Variants in PKHD1 observed in about 807,000 individuals in gnomAD.
PKHD1 encodes the protein fibrocystin.
In PKHD1, 291 loss-of-function variants were observed where a neutral mutation model predicts 412.0. The observed-to-expected ratio is 0.71, with a 90% confidence interval of 0.64 to 0.78. PKHD1 has a LOEUF of 0.78. PKHD1 is among the 30% of genes least tolerant of loss of function. The probability of loss-of-function intolerance (pLI) is 0.00; values close to 1 mark genes in which losing one functional copy is unlikely to be tolerated. For synonymous variants in PKHD1, 1,777 were observed against 1,821.5 expected, an observed-to-expected ratio of 0.98 and a Z score of 0.62; for missense variants, 4,825 against 4,950.7, an observed-to-expected ratio of 0.97 and a Z score of 0.76.
intron 48 of PKHD1, among the ~76,000 whole-genome samples, chr6:51,858,389 G>A (rs906880115): frequency 6.6e-6 from 1 of 152,048 alleles, no homozygotes; most frequent in African/African-American, 2.4e-5. Context: ...ACTATATTTA[G>A]CAAATAAAAA....
At chr6:52,037,737 G>A (rs1357785039) in intron 27 of PKHD1, among the ~76,000 whole-genome samples, 1 of 152,140 alleles carries the variant, frequency 6.6e-6, no homozygotes, top group Non-Finnish European at 1.5e-5. Context: ...TTGTTGCTTA[G>A]GCAATAAATT....
At chr6:51,831,070 G>A in intron 51 of PKHD1, 81 bp from the exon 52 acceptor site, 1 of 1,039,648 alleles carries the variant, frequency 9.6e-7, no homozygotes, top group South Asian at 1.3e-5. Flanking sequence ...GATGCTAGTG[G>A]TATTTTCACC....
intron 60 of PKHD1, among the ~76,000 whole-genome samples, chr6:51,724,850 A>G (rs1053526916): frequency 2.6e-5 from 4 of 152,220 alleles, no homozygotes; most frequent in African/African-American, 9.6e-5. Context: ...AAGGCAATAC[A>G]ATCACAGAGA....
At chr6:51,767,076 A>G (rs73426050) in intron 55 of PKHD1, among the ~76,000 whole-genome samples, 28,002 of 151,978 alleles carry the variant, frequency 0.18, 3,391 homozygotes, top group African/African-American at 0.34. Flanking sequence ...TAAAGGATTT[A>G]CTAATTATTC....
chr6:51,774,138 A>T (rs1196296238), intron 54 of PKHD1, among the ~76,000 whole-genome samples: 1 of 151,982 alleles, frequency 6.6e-6, no homozygotes, highest in Non-Finnish European at 1.5e-5. Context: ...TTATCCAGAA[A>T]ATTCAATTGA....
At chr6:52,071,115 T>C (rs772682795) in intron 8 of PKHD1, 45 bp from the exon 9 acceptor site, 1 of 1,262,824 alleles carries the variant, frequency 7.9e-7, no homozygotes, top group African/African-American at 1.5e-5. Context: ...GACAACTCAC[T>C]ACCAGAAGAT....
At chr6:51,947,159 A>G (rs918780382) in intron 36 of PKHD1, among the ~76,000 whole-genome samples, 1 of 152,200 alleles carries the variant, frequency 6.6e-6, no homozygotes, top group African/African-American at 2.4e-5. Flanking sequence ...CACATTGGTG[A>G]ATCTCAGGCT....
At chr6:51,939,118 T>C (rs1479822366) in intron 36 of PKHD1, among the ~76,000 whole-genome samples, 1 of 151,448 alleles carries the variant, frequency 6.6e-6, no homozygotes, top group East Asian at 1.9e-4. Flanking sequence ...GCCTTGGTCC[T>C]TCACCCTTAG....
rs556672360 is a variant in PKHD1 at position 52,049,818 on chromosome 6, T to A, written c.2279+339A>T. 7.4e-4 allele frequency among the ~76,000 whole-genome samples: 112 copies of A among 152,250 alleles called. 1 individual carries two copies. The highest frequency in any genetic ancestry group is 2.5e-3 in the African/African-American group (105 of 41,550). Reference sequence around the variant, plus strand: ...AAACAAAACAGTGGTGATGTGAACCTCTGAACAGCACAAAATGCCACTATT... The same window carrying A: ...AAACAAAACAGTGGTGATGTGAACCACTGAACAGCACAAAATGCCACTATT... On this transcript the variant is annotated intron_variant, in intron 22 of 66. Transcript: ENST00000371117.
Position 51,632,653 on chromosome 6 carries a change from G to A in PKHD1, c.11577C>T (p.Ile3859=), listed in dbSNP as rs1768065079. 6.2e-7 allele frequency: 1 copy of A among 1,613,350 alleles called. No homozygotes were observed. The highest frequency in any genetic ancestry group is 8.5e-7 in the Non-Finnish European group (1 of 1,179,488). The stretch of plus-strand genomic sequence containing the variant: ...CAGAGGACAGGGAAGCAGCCAGGAT[G>A]ATGGTCGACTTCTCCTTCCTAGTCA... ...LPVTRKEKST[I]ILAASLSSVA... Residue 3859 remains isoleucine, a synonymous_variant, in exon 65 of 67, where the codon ATC becomes ATT. Coordinates refer to ENST00000371117, the MANE Select transcript of PKHD1 (RefSeq NM_138694.4).
chr6:51,777,943 C>G (rs1191512777), intron 53 of PKHD1, among the ~76,000 whole-genome samples: 2 of 152,014 alleles, frequency 1.3e-5, no homozygotes, highest in Non-Finnish European at 2.9e-5. Flanking sequence ...AATTTGGCTT[C>G]CTTTTTGTAA....
intron 37 of PKHD1, among the ~76,000 whole-genome samples, chr6:51,927,402 C>T (rs569459473): frequency 2.6e-5 from 4 of 152,252 alleles, no homozygotes; most frequent in African/African-American, 9.6e-5. Context: ...TTAAAGAAAG[C>T]TAATCTAACT....
intron 52 of PKHD1, among the ~76,000 whole-genome samples, chr6:51,812,600 CAGAT>C (rs1204912253): frequency 6.6e-6 from 1 of 152,174 alleles, no homozygotes. Flanking sequence ...CATCACATGA[CAGAT>C]AGCAGGTCCT....
intron 35 of PKHD1, among the ~76,000 whole-genome samples, chr6:52,007,964 C>A (rs567436191): frequency 6.6e-6 from 1 of 152,180 alleles, no homozygotes; most frequent in Non-Finnish European, 1.5e-5. Flanking sequence ...TAAATCCCTG[C>A]CATTGTTCCC....
chr6:51,976,933 G>C (rs1583660332), intron 35 of PKHD1, among the ~76,000 whole-genome samples: 2 of 104,936 alleles, frequency 1.9e-5, no homozygotes, highest in East Asian at 6.1e-4. Flanking sequence ...GGGTGATAGA[G>C]TGAGACTCCA....
At chr6:51,893,087 C>G in intron 43 of PKHD1, among the ~76,000 whole-genome samples, 1 of 152,192 alleles carries the variant, frequency 6.6e-6, no homozygotes, top group Admixed American at 6.5e-5. Context: ...AAGGGGGCTT[C>G]TTAAACACCC....
intron 52 of PKHD1, among the ~76,000 whole-genome samples, chr6:51,823,696 C>T (rs1766844324): frequency 6.6e-6 from 1 of 152,146 alleles, no homozygotes; most frequent in Non-Finnish European, 1.5e-5. Context: ...GAAAAATGCA[C>T]TGCTATTTTA....
chr6:51,831,877 G>C (rs9474100), intron 51 of PKHD1, among the ~76,000 whole-genome samples: 1 of 151,850 alleles, frequency 6.6e-6, no homozygotes, highest in Non-Finnish European at 1.5e-5. Flanking sequence ...CTGTCCAATA[G>C]CACATCACGC....
intron 43 of PKHD1, among the ~76,000 whole-genome samples, chr6:51,895,468 A>C (rs539895319): frequency 6.6e-6 from 1 of 152,370 alleles, no homozygotes; most frequent in African/African-American, 2.4e-5. Flanking sequence ...TTTTTCAGTC[A>C]TCAAAATGAT....
Sources: allele counts gnomAD v4.1 joint callset (sites outside exome capture counted in the v4.1 genomes callset), GRCh38; gene constraint gnomAD v4.1.1; transcripts MANE v1.5; gene names NCBI Gene and HGNC (gene_info 2026-07-23, HGNC 2026-07-21).